The following APP variants were observed in gnomAD, a reference collection of about 807,000 sequenced individuals.
APP encodes the protein amyloid beta precursor protein.
Under a neutral mutation model 101.4 loss-of-function variants are expected in APP, and 31 were observed. The observed-to-expected ratio is 0.31, with a 90% CI of 0.23 to 0.41. The LOEUF (loss-of-function observed/expected upper bound fraction) is 0.41. Among genes scored for constraint, APP ranks in the 10% least tolerant of loss-of-function variants. The pLI, the probability that APP is intolerant of heterozygous loss-of-function variation, is 1.00. For missense variants in APP, 839 were observed against 1,003.7 expected (o/e 0.84, Z 2.22); for synonymous variants, 366 against 364.4 (o/e 1.00, Z -0.05).
At chr21:25,885,982 G>A (rs1290781530) in intron 17 of APP, among the ~76,000 whole-genome samples, 4 of 152,034 alleles carry the variant, frequency 2.6e-5, no homozygotes. Flanking sequence ...GAAACACCAC[G>A]TTTACATTTT....
chr21:25,929,739 G>GA (rs969348536), intron 13 of APP, among the ~76,000 whole-genome samples: 9 of 151,736 alleles, frequency 5.9e-5, no homozygotes, highest in South Asian at 2.1e-4. Context: ...AGTACAGTGA[G>GA]AAAAAAAAAT....
intron 13 of APP, among the ~76,000 whole-genome samples, chr21:25,941,020 A>G (rs779886773): frequency 2.6e-5 from 4 of 152,234 alleles, no homozygotes; most frequent in African/African-American, 9.6e-5. Flanking sequence ...GGTATTTGCA[A>G]TACATACTTT....
At chr21:25,954,516 T>G in intron 13 of APP, 74 bp downstream of exon 13, 1 of 1,279,626 alleles carries the variant, frequency 7.8e-7, no homozygotes, top group Non-Finnish European at 1.1e-6. Flanking sequence ...CTCAAACAGA[T>G]AACTCACTTC....
intron 1 of APP, among the ~76,000 whole-genome samples, chr21:26,115,870 A>G (rs1317791410): frequency 1.3e-5 from 2 of 152,240 alleles, no homozygotes; most frequent in Non-Finnish European, 2.9e-5. Flanking sequence ...TAAATACCTT[A>G]GTAGATGGGA....
At chr21:25,932,122 G>A (rs1436388791) in intron 13 of APP, among the ~76,000 whole-genome samples, 1 of 152,178 alleles carries the variant, frequency 6.6e-6, no homozygotes, top group Non-Finnish European at 1.5e-5. Context: ...AAGAACTAGA[G>A]AGTGAAGCAT....
chr21:25,974,424 A>G (rs2042150614), intron 11 of APP, among the ~76,000 whole-genome samples: 1 of 152,208 alleles, frequency 6.6e-6, no homozygotes. Flanking sequence ...ACAATTAGGC[A>G]TGAGGGCAGA....
chr21:26,070,226 C>T (rs2046619262), intron 3 of APP, among the ~76,000 whole-genome samples: 1 of 152,170 alleles, frequency 6.6e-6, no homozygotes, highest in South Asian at 2.1e-4. Context: ...GATAGACCCC[C>T]AGATAAATCA....
At chr21:26,081,695 G>T (rs529027422) in intron 3 of APP, among the ~76,000 whole-genome samples, 3 of 152,234 alleles carry the variant, frequency 2.0e-5, no homozygotes, top group African/African-American at 7.2e-5. Flanking sequence ...TGTAGCTGTG[G>T]AATACTATAT....
At chr21:26,133,214 G>GT (rs1290268129) in intron 1 of APP, among the ~76,000 whole-genome samples, 2 of 152,210 alleles carry the variant, frequency 1.3e-5, no homozygotes, top group African/African-American at 4.8e-5. Context: ...CTCCAGCAGA[G>GT]TAAAACCCTG....
chr21:26,102,889 CAAAAAAAA>C (rs3084283), intron 2 of APP, among the ~76,000 whole-genome samples: 2 of 63,108 alleles, frequency 3.2e-5, no homozygotes, highest in South Asian at 8.2e-4. Context: ...GACTCTGTCT[CAAAAAAAA>C]AAAAAAAAAA....
chr21:25,990,296 A>G (rs2042808866), intron 8 of APP, among the ~76,000 whole-genome samples: 1 of 152,220 alleles, frequency 6.6e-6, no homozygotes, highest in Non-Finnish European at 1.5e-5. Context: ...ACATACTGAC[A>G]TGGGAATTTT....
intron 8 of APP, among the ~76,000 whole-genome samples, chr21:25,985,690 A>G (rs898349191): frequency 2.6e-5 from 4 of 151,998 alleles, no homozygotes; most frequent in African/African-American, 9.7e-5. Context: ...TATATATCCT[A>G]TTGGTCCTGT....
chr21:26,121,084 C>T (rs564379135), intron 1 of APP, among the ~76,000 whole-genome samples: 1 of 152,120 alleles, frequency 6.6e-6, no homozygotes, highest in African/African-American at 2.4e-5. Flanking sequence ...GCAGACTGAT[C>T]ATGTGACACT....
intron 5 of APP, among the ~76,000 whole-genome samples, chr21:26,027,949 C>T (rs114665630): frequency 0.012 from 1,802 of 152,082 alleles, 39 homozygotes; most frequent in African/African-American, 0.04. Flanking sequence ...AATCCCAGCA[C>T]GTTGCGGGGC....
intron 1 of APP, among the ~76,000 whole-genome samples, chr21:26,155,761 C>T (rs1601590160): frequency 2.0e-5 from 3 of 151,908 alleles, no homozygotes; most frequent in Admixed American, 6.6e-5. Flanking sequence ...TTTGGGAGGC[C>T]GAGACGGGTG....
chr21:26,140,425 A>C (rs2063018695), intron 1 of APP: 1 of 1,314,528 alleles, frequency 7.6e-7, no homozygotes, highest in Non-Finnish European at 1.0e-6. Context: ...GCCAACTTCT[A>C]AGCTAACAAT....
intron 1 of APP, among the ~76,000 whole-genome samples, chr21:26,136,964 C>G (rs1182174518): frequency 1.3e-5 from 2 of 152,172 alleles, no homozygotes; most frequent in African/African-American, 4.8e-5. Flanking sequence ...GCGATCTCTG[C>G]TCACTGCACC....
At chr21:26,170,128 G>T (rs567520462) in intron 1 of APP, among the ~76,000 whole-genome samples, 1 of 152,338 alleles carries the variant, frequency 6.6e-6, no homozygotes, top group African/African-American at 2.4e-5. Context: ...GGGCCCAAGA[G>T]AAAGGAAAGG....
chr21:26,086,575 C>A (rs867895428), intron 3 of APP, among the ~76,000 whole-genome samples: 2,096 of 131,430 alleles, frequency 0.016, 51 homozygotes, highest in African/African-American at 0.056. Flanking sequence ...AAAAAAAAAA[C>A]TCTTGTCTAA....
Sources: gnomAD v4.1 joint callset for allele counts (sites outside exome capture counted in the v4.1 genomes callset) on GRCh38, gnomAD v4.1.1 for gene constraint, MANE v1.5 for transcripts, NCBI Gene and HGNC (gene_info 2026-07-23, HGNC 2026-07-21) for gene names.